Variants in DLG2 observed in about 807,000 individuals in gnomAD.
The protein encoded by DLG2 is discs large MAGUK scaffold protein 2, also known as disks large homolog 2.
Under a neutral mutation model 132.5 loss-of-function variants are expected in DLG2, and 45 were observed. The ratio of observed to expected loss-of-function variants is 0.34; its 90% confidence interval spans 0.27 to 0.44. The LOEUF is 0.44. Ranked by LOEUF, DLG2 falls within the 20% of genes least tolerant of loss-of-function variation. DLG2 has a pLI of 1.00. For missense variants in DLG2, 1,045 were observed against 1,196.9 expected (o/e 0.87, Z 1.87); for synonymous variants, 424 against 419.6 (o/e 1.01, Z -0.13).
chr11:84,117,039 G>A (rs2093666881), intron 9 of DLG2, among the ~76,000 whole-genome samples: 1 of 152,122 alleles, frequency 6.6e-6, no homozygotes, highest in African/African-American at 2.4e-5. Context: ...TTGCAACTTT[G>A]CTCTCAGACT....
intron 19 of DLG2, among the ~76,000 whole-genome samples, chr11:83,564,309 A>G (rs1302927312): frequency 1.3e-5 from 2 of 152,188 alleles, no homozygotes; most frequent in Admixed American, 6.5e-5. Context: ...CTAAGATACC[A>G]TAGACAGGAG....
intron 19 of DLG2, chr11:83,632,320 T>C (rs73507161): frequency 1.3e-5 from 2 of 152,214 alleles, no homozygotes; most frequent in African/African-American, 2.4e-5. Context: ...AAGAAGGATA[T>C]GACCTCAGGC....
intron 19 of DLG2, among the ~76,000 whole-genome samples, chr11:83,605,364 G>C (rs909340747): frequency 6.6e-6 from 1 of 152,104 alleles, no homozygotes; most frequent in Admixed American, 6.5e-5. Context: ...CTCGGCAATG[G>C]TATTTAATAA....
chr11:84,705,777 A>G (rs2059719130), intron 6 of DLG2, among the ~76,000 whole-genome samples: 1 of 151,820 alleles, frequency 6.6e-6, no homozygotes, highest in Non-Finnish European at 1.5e-5. Context: ...AGATAAAAAT[A>G]TCTTAAAAAT....
chr11:84,616,192 T>G (rs2099604150), intron 6 of DLG2, among the ~76,000 whole-genome samples: 1 of 151,980 alleles, frequency 6.6e-6, no homozygotes, highest in African/African-American at 2.4e-5. Context: ...GTGGGGCAGT[T>G]GTAGGAAGGA....
At position 83,980,771 on chromosome 11, in the gene DLG2, C is replaced by T. The variant is rs536095581; in HGVS notation, c.920-129G>A. 36 of 864,676 alleles carry T rather than the reference C, an allele frequency of 4.2e-5. No individual in the cohort carries two copies. The Middle Eastern group carries it at 1.7e-3, about 40-fold the overall frequency. 53.6% of individuals were successfully genotyped at this position (864,676 alleles called of 1,614,324 possible). On this transcript the variant is annotated intron_variant, in intron 11 of 27. Transcript: ENST00000376104. ...AACTTATTGTAACAGCAATAAATAA[C>T]ACTAAAAACTGTATTTCAATCTCGT...
At position 83,962,862 on chromosome 11, in the gene DLG2, A is replaced by T. The variant is rs189648779; in HGVS notation, c.1340+23T>A. ...CTTTCTGGTAATAAGAGCAAATCCA[A>T]TTAACTAACAGGCATATCTGACCTG... On this transcript the variant is annotated intron_variant, in intron 14 of 27. Coordinates refer to ENST00000376104, the MANE Select transcript of DLG2 (RefSeq NM_001142699.3). The T allele has an allele frequency of 9.4e-5, 151 of 1,610,776 alleles. 3 individuals carry two copies. The African/African-American group carries it at 1.8e-3, about 19-fold the overall frequency.
chr11:84,271,308 A>T (rs1406884972), intron 7 of DLG2, among the ~76,000 whole-genome samples: 2 of 152,186 alleles, frequency 1.3e-5, no homozygotes, highest in Non-Finnish European at 2.9e-5. Flanking sequence ...TTTGGGCATG[A>T]TTTTATATAT....
intron 6 of DLG2, among the ~76,000 whole-genome samples, chr11:85,050,118 T>TCACACACACACACA (rs33991615): frequency 0.021 from 2,845 of 136,720 alleles, 60 homozygotes; most frequent in South Asian, 0.068. Context: ...CACTGTGTCA[T>TCACACACACACACA]CACACACACA....
intron 4 of DLG2, among the ~76,000 whole-genome samples, chr11:85,227,762 T>C (rs1324432691): frequency 2.6e-5 from 4 of 152,108 alleles, no homozygotes; most frequent in Non-Finnish European, 5.9e-5. Context: ...CATGATCTTA[T>C]ATGATGTAGC....
intron 5 of DLG2, among the ~76,000 whole-genome samples, chr11:85,144,654 T>G (rs991195398): frequency 1.3e-5 from 2 of 151,902 alleles, no homozygotes; most frequent in African/African-American, 4.8e-5. Flanking sequence ...AATTTTAAAC[T>G]AATGACAACC....
intron 21 of DLG2, among the ~76,000 whole-genome samples, chr11:83,507,631 G>C (rs981556044): frequency 6.9e-6 from 1 of 145,264 alleles, no homozygotes; most frequent in African/African-American, 2.5e-5. Context: ...AAATAAAAGA[G>C]TTAAATGGGG....
In DLG2 at chr11:83,466,665, C is replaced by A. The variant is rs367860443; in HGVS notation, c.2729+43G>T. 8.9e-6 allele frequency: 10 copies of A among 1,117,856 alleles called. No homozygotes were observed. The African/African-American group carries it at 1.2e-4, about 14-fold the overall frequency. The allele number at this position is 1,117,856 out of a possible 1,614,324, so 69.2% of individuals were successfully genotyped here. ...TAGTAATTTTCAGTATAATACAGAA[C>A]AGGGAGTCAGTTGGATGAAGGCCTC... is the stretch of plus-strand genomic sequence containing the variant. On this transcript the variant is annotated intron_variant, in intron 26 of 27. Transcript: ENST00000376104.
At chr11:83,922,717 G>A (rs1591091813) in intron 15 of DLG2, among the ~76,000 whole-genome samples, 4 of 152,238 alleles carry the variant, frequency 2.6e-5, no homozygotes, top group Admixed American at 2.0e-4. Context: ...CAGAGTGAAC[G>A]TGATTAAGGC....
At chr11:84,548,783 C>G (rs2099395941) in intron 6 of DLG2, among the ~76,000 whole-genome samples, 1 of 151,986 alleles carries the variant, frequency 6.6e-6, no homozygotes, top group Non-Finnish European at 1.5e-5. Flanking sequence ...CCATCTAAAC[C>G]CCAGGTCAGC....
chr11:84,977,010 A>G (rs552664182), intron 6 of DLG2, among the ~76,000 whole-genome samples: 36 of 152,250 alleles, frequency 2.4e-4, no homozygotes, highest in African/African-American at 7.7e-4. Context: ...ATGTAGCTAT[A>G]TAGAATATGC....
At chr11:85,021,007 T>C (rs990057763) in intron 6 of DLG2, 97 of 774,542 alleles carry the variant, frequency 1.3e-4, no homozygotes, top group Non-Finnish European at 2.2e-4. Context: ...TTATTATTCA[T>C]ATCTACTGCT....
At chr11:85,452,940 A>G (rs17159865) in intron 3 of DLG2, 6,807 of 212,826 alleles carry the variant, frequency 0.032, 433 homozygotes, top group African/African-American at 0.15. Flanking sequence ...GACTAAGGTC[A>G]TGCCTTTAGC....
In DLG2 at chr11:84,764,238, G is replaced by A. The variant is rs965137957; in HGVS notation, c.358-229507C>T. On this transcript the variant is annotated intron_variant, in intron 6 of 27. Coordinates refer to ENST00000376104, the MANE Select transcript of DLG2 (RefSeq NM_001142699.3). ...GGCAGCTGGAGGCAGGTGGCCAAAT[G>A]TCCCAGTGCTATACCCTACCTGACT... 2.6e-5 allele frequency among the ~76,000 whole-genome samples: 4 copies of A among 152,208 alleles called. No homozygotes were observed. In the East Asian group the frequency reaches 5.8e-4, roughly 22 times the overall value.
Sources: allele counts gnomAD v4.1 joint callset (sites outside exome capture counted in the v4.1 genomes callset), GRCh38; gene constraint gnomAD v4.1.1; transcripts MANE v1.5; gene names NCBI Gene and HGNC (gene_info 2026-07-23, HGNC 2026-07-21).